The following MGAM variants were observed in gnomAD, a reference collection of about 807,000 sequenced individuals.
MGAM encodes the protein alpha-1,4-glucosidase.
Under a neutral mutation model 358.8 loss-of-function variants are expected in MGAM, and 253 were observed. The ratio of observed to expected loss-of-function variants is 0.71; its 90% CI spans 0.64 to 0.78. MGAM has a LOEUF of 0.78. MGAM is among the 30% of genes least tolerant of loss of function. The pLI, the probability that MGAM is intolerant of heterozygous loss-of-function variation, is 0.00. For synonymous variants in MGAM, 1,105 were observed against 1,227.1 expected, an observed-to-expected ratio of 0.90 and a Z score of 2.08; for missense variants, 3,080 against 3,432.6, an observed-to-expected ratio of 0.90 and a Z score of 2.57.
intron 21 of MGAM, among the ~76,000 whole-genome samples, chr7:142,042,906 T>TAC (rs1809206062): frequency 2.2e-5 from 1 of 46,038 alleles, no homozygotes; most frequent in African/African-American, 7.2e-5. Flanking sequence ...ATATAATATC[T>TAC]ATATTATATA....
Position 142,025,217 on chromosome 7 carries a change from A to G in MGAM, c.982+68A>G. 3 of 1,185,108 alleles carry G rather than the reference A, an allele frequency of 2.5e-6. No homozygotes were observed. The South Asian group carries it at 3.7e-5, about 15-fold the overall frequency. The allele number at this position is 1,185,108 out of a possible 1,614,324, so 73.4% of individuals were successfully genotyped here. ...TCAGTCCCTTTCTTACAGCACTATG[A>G]TAAAAGGAATGGATCCCTTTAAGAG... On this transcript the variant is annotated intron_variant, in intron 8 of 70. Coordinates refer to ENST00000475668, the MANE Select transcript of MGAM (RefSeq NM_001365693.1).
intron 21 of MGAM, among the ~76,000 whole-genome samples, chr7:142,045,337 A>G (rs1444423257): frequency 8.9e-6 from 1 of 112,544 alleles, no homozygotes; most frequent in Non-Finnish European, 1.6e-5. Context: ...TATAATATAT[A>G]TTATATGTCC....
intron 22 of MGAM, 78 bp downstream of exon 22, chr7:142,047,951 C>G (rs1271380602): frequency 8.8e-6 from 10 of 1,139,802 alleles, no homozygotes; most frequent in Non-Finnish European, 1.3e-5. Context: ...GCTGGTCATT[C>G]AGCTGTGGGA....
intron 70 of MGAM, among the ~76,000 whole-genome samples, 200 bp from the exon 71 acceptor site, chr7:142,105,614 T>C (rs1816796570): frequency 6.6e-6 from 1 of 152,212 alleles, no homozygotes; most frequent in Non-Finnish European, 1.5e-5. Context: ...AAGGCCCATC[T>C]CTACCACTGA....
At position 142,088,733 on chromosome 7, in the gene MGAM, C is replaced by A. The variant is rs1448857121; in HGVS notation, c.6810+2016C>A. On this transcript the variant is annotated intron_variant, in intron 57 of 70. Coordinates refer to ENST00000475668, the MANE Select transcript of MGAM (RefSeq NM_001365693.1). ...ACCCTATTCATTTATGTCTGTCTGT[C>A]TGTCTGTCTGTCTGTCTATCTATCT... Among the ~76,000 whole-genome samples the A allele has an allele frequency of 3.2e-5, 3 of 93,188 alleles. 1 individual carries two copies. Among genetic ancestry groups the A allele is most frequent in the Non-Finnish European group, 6.4e-5 (3 of 46,614 alleles). 61.1% of individuals were successfully genotyped at this position (93,188 alleles called of 152,430 possible). A position where few individuals can be genotyped will look rare whatever the true frequency, so the allele number is the denominator to read the frequency against.
In MGAM at chr7:142,036,257, C is replaced by T. The variant is rs782294701; in HGVS notation, c.2048C>T (p.Ser683Phe). 37 of 1,609,486 alleles carry T rather than the reference C, an allele frequency of 2.3e-5. No homozygotes were observed. Among genetic ancestry groups the T allele is most frequent in the Non-Finnish European group, 3.1e-5 (36 of 1,177,916 alleles). ...WMQLGAFYPF[S>F]RNHNGQGYKD... ...CAGTTGGGTGCATTTTATCCGTTTT[C>T]TAGAAATCACAATGGCCAAGGCTAC... The change falls in exon 17 of 71, where the codon TCT (serine) becomes TTT (phenylalanine). Residue 683 changes from serine (S) to phenylalanine (F), a missense_variant. Physicochemically the swap from Ser to Phe is radical, Grantham distance 155. Transcript: ENST00000475668.
At position 142,076,738 on chromosome 7, in the gene MGAM, G is replaced by T; in HGVS notation, c.5405G>T (p.Gly1802Val). Residue 1802 changes from glycine to valine, a missense_variant, in exon 47 of 71, where the codon GGG becomes GTG. Around this residue, in one of 5 missense-constraint regions of MGAM, gnomAD observed 932 missense variants for 1,198.2 expected, o/e 0.78. Coordinates refer to ENST00000475668, the MANE Select transcript of MGAM (RefSeq NM_001365693.1). ...NLAFNEIKILGMEEPSNVTVK... is the reference protein window; with the variant it reads ...NLAFNEIKILVMEEPSNVTVK... ...GCATTCAATGAGATTAAAATTCTTG[G>T]GATGGAGGAACCTAGCAATGTTACG... 4 of 1,553,234 alleles carry T rather than the reference G, an allele frequency of 2.6e-6. No homozygotes were observed. Among genetic ancestry groups the T allele is most frequent in the Non-Finnish European group, 3.5e-6 (4 of 1,129,830 alleles).
chr7:142,017,964 A>C (rs1806104161), intron 3 of MGAM, among the ~76,000 whole-genome samples: 1 of 152,196 alleles, frequency 6.6e-6, no homozygotes, highest in African/African-American at 2.4e-5. Flanking sequence ...TTGGCAGGTC[A>C]CTTTACCTCG....
chr7:142,052,274 T>G lies in MGAM; in HGVS notation c.2806-20T>G, dbSNP rs1156514233. 6.3e-7 allele frequency: 1 copy of G among 1,578,248 alleles called. No individual in the cohort carries two copies. The highest frequency in any genetic ancestry group is 2.3e-5 in the East Asian group (1 of 44,118). The stretch of plus-strand genomic sequence containing the variant: ...TGTCTCCTAAAGATGAATTTCCTTA[T>G]GATTTCCACATTCCTACAGGTTGCC... On this transcript the variant is annotated intron_variant, in intron 24 of 70. Transcript: ENST00000475668.
At chr7:142,031,056 C>A (rs73542744) in intron 12 of MGAM, among the ~76,000 whole-genome samples, 1 of 152,050 alleles carries the variant, frequency 6.6e-6, no homozygotes, top group Non-Finnish European at 1.5e-5. Context: ...TTCCTTCCCC[C>A]CTCACTTCCC....
intron 8 of MGAM, 27 bp from the exon 9 acceptor site, chr7:142,027,088 T>C: frequency 5.2e-6 from 8 of 1,533,416 alleles, no homozygotes; most frequent in Non-Finnish European, 7.2e-6. Context: ...TTCTGATTTT[T>C]ATTTTCTTCA....
chr7:142,034,635 C>A (rs782543747), intron 15 of MGAM, 35 bp from the exon 16 acceptor site: 2 of 1,589,512 alleles, frequency 1.3e-6, no homozygotes, highest in Non-Finnish European at 1.7e-6. Flanking sequence ...AAGCTAAGAT[C>A]CCACATTGAC....
At chr7:141,992,861 G>A (rs117861069), upstream of MGAM, among the ~76,000 whole-genome samples, 230 of 152,308 alleles carry the variant, frequency 1.5e-3, 5 homozygotes, top group East Asian at 0.034. Flanking sequence ...AGGATTACAT[G>A]TATGAGCCAC....
At chr7:142,056,183 G>C in intron 29 of MGAM, 87 bp downstream of exon 29, 1 of 1,329,872 alleles carries the variant, frequency 7.5e-7, no homozygotes, top group Non-Finnish European at 1.0e-6. Flanking sequence ...ACTGTTCCTT[G>C]AAGGCAAAAT....
rs749140952 is a variant in MGAM at position 142,059,838 on chromosome 7, C to A, written c.3949-18C>A. On this transcript the variant is annotated intron_variant, in intron 32 of 70. Coordinates refer to ENST00000475668, the MANE Select transcript of MGAM (RefSeq NM_001365693.1). ...CTCTGGCTTTGGTTTTCCCAACTGA[C>A]TTATGCTTTGATTTCAGGATCCAGC... 1 of 1,599,964 alleles carries A rather than the reference C, an allele frequency of 6.3e-7. No individual in the cohort carries two copies. The highest frequency in any genetic ancestry group is 2.2e-5 in the East Asian group (1 of 44,476).
chr7:141,986,982 CT>C (rs782415777), intron 2 of MGAM, among the ~76,000 whole-genome samples: 2 of 152,114 alleles, frequency 1.3e-5, no homozygotes, highest in South Asian at 4.1e-4. Context: ...AGGAGGACAA[CT>C]TTTTGCTCAT....
intron 30 of MGAM, among the ~76,000 whole-genome samples, chr7:142,057,327 T>C (rs1811650015): frequency 1.3e-5 from 2 of 148,374 alleles, no homozygotes; most frequent in Admixed American, 1.3e-4. Flanking sequence ...GTGGTGGTAA[T>C]GGGTGTGTTG....
At chr7:142,084,741 A>C in intron 54 of MGAM, 97 bp downstream of exon 54, 1 of 1,428,212 alleles carries the variant, frequency 7.0e-7, no homozygotes, top group Non-Finnish European at 9.6e-7. Context: ...CTATAAAGAC[A>C]TAATGTTCTT....
intron 3 of MGAM, among the ~76,000 whole-genome samples, chr7:142,018,939 G>T (rs1336119276): frequency 6.8e-6 from 1 of 146,222 alleles, no homozygotes; most frequent in East Asian, 2.0e-4. Flanking sequence ...ATATTTATGA[G>T]TTTTTTTTTT....
Sources: allele counts gnomAD v4.1 joint callset (sites outside exome capture counted in the v4.1 genomes callset), GRCh38; gene constraint gnomAD v4.1.1; regional missense constraint gnomAD v4.1.1; transcripts MANE v1.5; gene names NCBI Gene and HGNC (gene_info 2026-07-23, HGNC 2026-07-21).